PAX5: variants seen among roughly 807,000 people sequenced by gnomAD.
The protein encoded by PAX5 is paired box 5, also known as paired box protein Pax-5.
PAX5 carries 9 observed loss-of-function variants against 43.7 expected under a neutral mutation model. The ratio of observed to expected loss-of-function variants is 0.21; its 90% confidence interval spans 0.12 to 0.36. The LOEUF is 0.36. PAX5 is among the 10% of genes least tolerant of loss of function. The pLI is 1.00. For missense variants in PAX5, 383 were observed against 532.7 expected, an observed-to-expected ratio of 0.72 and a Z score of 2.77; for synonymous variants, 228 against 214.3, an observed-to-expected ratio of 1.06 and a Z score of -0.56.
intron 7 of PAX5, among the ~76,000 whole-genome samples, chr9:36,906,603 GT>G (rs1366456738): frequency 6.6e-6 from 1 of 152,178 alleles, no homozygotes; most frequent in East Asian, 1.9e-4. Flanking sequence ...GGGGTAATTT[GT>G]TACAGCCGCA....
intron 7 of PAX5, among the ~76,000 whole-genome samples, chr9:36,907,101 C>A (rs999002253): frequency 6.6e-6 from 1 of 152,064 alleles, no homozygotes; most frequent in Non-Finnish European, 1.5e-5. Flanking sequence ...GGAAGCAGGA[C>A]CGTAGAGGAG....
chr9:36,981,713 G>C (rs988122222), intron 5 of PAX5, among the ~76,000 whole-genome samples: 2 of 152,248 alleles, frequency 1.3e-5, no homozygotes, highest in African/African-American at 2.4e-5. Context: ...GCTCTGCCTT[G>C]GAAGTGTTTA....
At position 36,849,745 on chromosome 9, in the gene PAX5, C is replaced by T. The variant is rs78340153; in HGVS notation, c.1013-2816G>A. Among the ~76,000 whole-genome samples, 751 of 152,344 alleles carry T rather than the reference C, an allele frequency of 4.9e-3. 6 individuals carry two copies. Among genetic ancestry groups the T allele is most frequent in the African/African-American group, 0.017 (705 of 41,582 alleles). On this transcript the variant is annotated intron_variant, in intron 8 of 9. Coordinates refer to ENST00000358127, the MANE Select transcript of PAX5 (RefSeq NM_016734.3). ...ATGAGCCTACCAGGGACTGGCTTGCCTGGTGTGCTAAGAGTGGTAGTGTGG... is the reference window on the plus strand; with the variant it reads ...ATGAGCCTACCAGGGACTGGCTTGCTTGGTGTGCTAAGAGTGGTAGTGTGG...
intron 8 of PAX5, among the ~76,000 whole-genome samples, chr9:36,881,676 G>T (rs1408597247): frequency 1.3e-5 from 2 of 151,918 alleles, no homozygotes; most frequent in African/African-American, 2.4e-5. Context: ...GGGAGGGAAG[G>T]TTGGGGAGAA....
At chr9:36,848,633 G>A (rs4297116) in intron 8 of PAX5, among the ~76,000 whole-genome samples, 99,643 of 152,040 alleles carry the variant, frequency 0.66, 36,024 homozygotes, top group East Asian at 0.83. Flanking sequence ...CCCTCCCCTC[G>A]GGACTCTGAG....
At chr9:37,019,138 T>G (rs1839646592) in intron 2 of PAX5, among the ~76,000 whole-genome samples, 2 of 152,226 alleles carry the variant, frequency 1.3e-5, no homozygotes, top group Admixed American at 1.3e-4. Flanking sequence ...CTCTCTCTCT[T>G]TCTCCTGTCT....
intron 1 of PAX5, among the ~76,000 whole-genome samples, chr9:37,028,755 C>G (rs1040550309): frequency 6.6e-6 from 1 of 152,250 alleles, no homozygotes; most frequent in African/African-American, 2.4e-5. Flanking sequence ...GCAAAGCGGC[C>G]AGGCGCGCTG....
chr9:36,991,374 G>A (rs1020190083), intron 5 of PAX5, among the ~76,000 whole-genome samples: 6 of 151,958 alleles, frequency 3.9e-5, no homozygotes, highest in Non-Finnish European at 7.4e-5. Context: ...CTCAAAAATC[G>A]TCTGCTCCAA....
At position 37,027,897 on chromosome 9, in the gene PAX5, C is replaced by T. The variant is rs189080694; in HGVS notation, c.46+6089G>A. On this transcript the variant is annotated intron_variant, in intron 1 of 9. Transcript: ENST00000358127. ...AATGGGAGAGAATGGGGGGCGGGGC[C>T]CAGGCGGCGGCGCCACGTTCATTGA... is the stretch of plus-strand genomic sequence containing the variant. Among the ~76,000 whole-genome samples, 28 of 152,376 alleles carry T rather than the reference C, an allele frequency of 1.8e-4. No homozygotes were observed. The East Asian group carries it at 4.8e-3, about 26-fold the overall frequency.
At chr9:36,852,895 G>C (rs1026567810) in intron 8 of PAX5, among the ~76,000 whole-genome samples, 1 of 152,122 alleles carries the variant, frequency 6.6e-6, no homozygotes, top group Non-Finnish European at 1.5e-5. Flanking sequence ...AGACCCCAGG[G>C]ATCCCACCAT....
chr9:37,011,852 G>T (rs1478129165), intron 3 of PAX5, among the ~76,000 whole-genome samples: 1 of 152,158 alleles, frequency 6.6e-6, no homozygotes, highest in East Asian at 1.9e-4. Context: ...AGGGTGAAAA[G>T]TTGCCTCCAA....
At chr9:37,000,247 C>T (rs567735366) in intron 5 of PAX5, among the ~76,000 whole-genome samples, 1 of 152,312 alleles carries the variant, frequency 6.6e-6, no homozygotes, top group South Asian at 2.1e-4. Context: ...CTGCCCACCC[C>T]TGGGATCAAA....
chr9:36,973,704 CA>C (rs1469107451), intron 5 of PAX5, among the ~76,000 whole-genome samples: 4 of 148,252 alleles, frequency 2.7e-5, no homozygotes, highest in East Asian at 2.0e-4. Flanking sequence ...CCCATCTCTA[CA>C]AAAAAAAAAT....
chr9:36,973,780 C>A (rs1835185702), intron 5 of PAX5, among the ~76,000 whole-genome samples: 1 of 152,022 alleles, frequency 6.6e-6, no homozygotes, highest in Non-Finnish European at 1.5e-5. Context: ...CCAAGGCAGG[C>A]GGATCACCTG....
At position 37,034,088 on chromosome 9, in the gene PAX5, C is replaced by CTTTTTTTTTGT; in HGVS notation, c.-58_-57insACAAAAAAAAA. 2 of 447,902 alleles carry CTTTTTTTTTGT rather than the reference C, an allele frequency of 4.5e-6. No homozygotes were observed. The highest frequency in any genetic ancestry group is 4.1e-5 in the East Asian group (1 of 24,500). 27.7% of individuals were successfully genotyped at this position (447,902 alleles called of 1,614,324 possible). ...GGGAAAAGTTTCCACTTTTTTGTGC[C>CTTTTTTTTTGT]TTTTTTTTTCTTTTTTTTTTTTTTT... On this transcript the variant is annotated 5_prime_UTR_variant, in exon 1 of 10. Coordinates refer to ENST00000358127, the MANE Select transcript of PAX5 (RefSeq NM_016734.3).
chr9:36,951,882 T>C (rs2132112846), intron 6 of PAX5, among the ~76,000 whole-genome samples: 1 of 152,336 alleles, frequency 6.6e-6, no homozygotes, highest in East Asian at 1.9e-4. Context: ...TTATCCTTAA[T>C]TTGCTCACTG....
chr9:36,905,739 GGAC>G (rs1417816547), intron 7 of PAX5, among the ~76,000 whole-genome samples: 1 of 152,188 alleles, frequency 6.6e-6, no homozygotes, highest in East Asian at 1.9e-4. Flanking sequence ...CACTCTGCAA[GGAC>G]AAAGGCTGAG....
intron 7 of PAX5, among the ~76,000 whole-genome samples, chr9:36,900,400 T>C (rs1828274513): frequency 6.6e-6 from 1 of 152,166 alleles, no homozygotes; most frequent in African/African-American, 2.4e-5. Flanking sequence ...CTTCACAGAG[T>C]AGTCCTGCAG....
chr9:36,847,580 G>A (rs976646870), intron 8 of PAX5, among the ~76,000 whole-genome samples: 1 of 152,238 alleles, frequency 6.6e-6, no homozygotes, highest in Admixed American at 6.5e-5. Flanking sequence ...GGCTAGGGGA[G>A]CACAGAAGAG....
Sources: allele counts gnomAD v4.1 joint callset (sites outside exome capture counted in the v4.1 genomes callset), GRCh38; gene constraint gnomAD v4.1.1; transcripts MANE v1.5; gene names NCBI Gene and HGNC (gene_info 2026-07-23, HGNC 2026-07-21).